ZNF266: variants seen among roughly 807,000 people sequenced by gnomAD.
The protein encoded by ZNF266 is zinc finger protein 266.
ZNF266 carries 16 observed loss-of-function variants against 16.4 expected under a neutral mutation model. That is an observed-to-expected ratio of 0.98 (90% CI 0.66 to 1.48). The LOEUF (loss-of-function observed/expected upper bound fraction) is 1.48, where lower values mean the gene tolerates loss of function less well. Among genes scored for constraint, ZNF266 ranks in the 40% most tolerant of loss-of-function variants. ZNF266 has a pLI of 0.00. For synonymous variants in ZNF266, 262 were observed against 237.9 expected (o/e 1.10, Z -0.93); for missense variants, 738 against 689.1 (o/e 1.07, Z -0.79).
At chr19:9,431,285 G>C (rs1384958845) in intron 5 of ZNF266, among the ~76,000 whole-genome samples, 3 of 152,102 alleles carry the variant, frequency 2.0e-5, no homozygotes, top group Non-Finnish European at 4.4e-5. Flanking sequence ...CAAAACCCTG[G>C]CCCAGTCACC....
In ZNF266 at chr19:9,431,866, G is replaced by A. The variant is rs115180951; in HGVS notation, c.-130+1802C>T. 3.1e-3 allele frequency among the ~76,000 whole-genome samples: 466 copies of A among 152,306 alleles called. 5 individuals are homozygous for A. The highest frequency in any genetic ancestry group is 0.011 in the African/African-American group (448 of 41,560). On this transcript the variant is annotated intron_variant, in intron 5 of 10. Coordinates refer to ENST00000592904, the MANE Select transcript of ZNF266 (RefSeq NM_001370374.1). ...CCTGGATAACACCCTCCTGTTGAGCGCACGCACGACCTTTGACCAGTTTCT... is the reference window on the plus strand; with the variant it reads ...CCTGGATAACACCCTCCTGTTGAGCACACGCACGACCTTTGACCAGTTTCT...
At chr19:9,414,984 T>G (rs1328811390) in intron 10 of ZNF266, among the ~76,000 whole-genome samples, 1 of 152,212 alleles carries the variant, frequency 6.6e-6, no homozygotes, top group Non-Finnish European at 1.5e-5. Flanking sequence ...AATGTGTACT[T>G]GAGGGGAACT....
In ZNF266 at chr19:9,417,735, G is replaced by T. The variant is rs904590594; in HGVS notation, c.316+93C>A. On this transcript the variant is annotated intron_variant, in intron 9 of 10. Coordinates refer to ENST00000592904, the MANE Select transcript of ZNF266 (RefSeq NM_001370374.1). The stretch of plus-strand genomic sequence containing the variant: ...GGCACTCCAGCCTGGGTGACAGAGT[G>T]AGACTCCATCTCAAAAAAAAAAAAA... 8 of 1,044,088 alleles carry T rather than the reference G, an allele frequency of 7.7e-6. No individual in the cohort carries two copies. The East Asian group carries it at 2.0e-4, about 26-fold the overall frequency. The allele number at this position is 1,044,088 out of a possible 1,614,324, so 64.7% of individuals were successfully genotyped here.
chr19:9,418,398 CTG>C, intron 8 of ZNF266, 105 bp downstream of exon 8: 1 of 1,245,594 alleles, frequency 8.0e-7, no homozygotes, highest in Non-Finnish European at 1.2e-6. Context: ...GGGACTATGT[CTG>C]TTATTTCCCA....
At chr19:9,420,955 T>C (rs1320436883) in intron 5 of ZNF266, among the ~76,000 whole-genome samples, 1 of 152,052 alleles carries the variant, frequency 6.6e-6, no homozygotes, top group Non-Finnish European at 1.5e-5. Context: ...TACAACACCA[T>C]GGTCACTACC....
Position 9,414,623 on chromosome 19 carries a change from T to C in ZNF266, c.503A>G (p.Asn168Ser), listed in dbSNP as rs1435884135. The change falls in exon 11 of 11, where the codon AAT (asparagine) becomes AGT (serine). Residue 168 changes from asparagine to serine, a missense_variant. Coordinates refer to ENST00000592904, the MANE Select transcript of ZNF266 (RefSeq NM_001370374.1). The stretch of plus-strand genomic sequence containing the variant: ...ATAACACTCAAATGTGTTCTCACTA[T>C]TTTGAGTTCTCACATGTGTCTTAAG... ...SCLKTHVRTQNSENTFECYLY... is the reference protein window; with the variant it reads ...SCLKTHVRTQSSENTFECYLY... 39 of 1,610,422 alleles carry C rather than the reference T, an allele frequency of 2.4e-5. No individual in the cohort carries two copies. Among genetic ancestry groups the C allele is most frequent in the African/African-American group, 6.7e-5 (5 of 74,878 alleles).
intron 7 of ZNF266, 142 bp downstream of exon 7, chr19:9,419,075 C>T (rs777497221): frequency 1.5e-4 from 24 of 157,434 alleles, no homozygotes; most frequent in Non-Finnish European, 2.7e-4. Context: ...CCACTCCTTC[C>T]GGGAATTCGA....
rs1199735250 is a variant in ZNF266, at chr19:9,413,550, T to C, written c.1576A>G (p.Ser526Gly). ...ATACACGTGAATGGTTTTTTGGCGC[T>C]GTGGGTCCGCATGTGATTATTAAGA... is the stretch of plus-strand genomic sequence containing the variant. ...SSLNNHMRTH[S>G]AKKPFTCMEC... The change falls in exon 11 of 11, where the codon AGC becomes GGC. Residue 526 changes from serine to glycine, a missense_variant. Coordinates refer to ENST00000592904, the MANE Select transcript of ZNF266 (RefSeq NM_001370374.1). The C allele has an allele frequency of 6.2e-7, 1 of 1,614,196 alleles. No homozygotes were observed. The highest frequency in any genetic ancestry group is 8.5e-7 in the Non-Finnish European group (1 of 1,180,020).
chr19:9,421,865 CTTTT>C (rs2069951347), intron 5 of ZNF266, among the ~76,000 whole-genome samples: 1 of 144,126 alleles, frequency 6.9e-6, no homozygotes, highest in Non-Finnish European at 1.5e-5. Flanking sequence ...TTTTTTTTTT[CTTTT>C]GAGACGGAGG....
chr19:9,414,956 A>T (rs894327892), intron 10 of ZNF266, among the ~76,000 whole-genome samples: 1 of 152,154 alleles, frequency 6.6e-6, no homozygotes, highest in African/African-American at 2.4e-5. Context: ...TGTCTTAAAA[A>T]CTCACTATCT....
In ZNF266 at chr19:9,412,931, G is replaced by A. The variant is rs2068451972; in HGVS notation, c.*344C>T. On this transcript the variant is annotated 3_prime_UTR_variant, in exon 11 of 11. Coordinates refer to ENST00000592904, the MANE Select transcript of ZNF266 (RefSeq NM_001370374.1). ...CTTAGGGCTTACAAATATGGAGTGGGGCATCATCCAGACCATACCATTTAA... is the reference window on the plus strand; with the variant it reads ...CTTAGGGCTTACAAATATGGAGTGGAGCATCATCCAGACCATACCATTTAA... 4.0e-6 allele frequency: 1 copy of A among 251,592 alleles called. No individual in the cohort carries two copies. Among genetic ancestry groups the A allele is most frequent in the African/African-American group, 2.2e-5 (1 of 44,464 alleles). 15.6% of individuals were successfully genotyped at this position (251,592 alleles called of 1,614,324 possible).
At chr19:9,414,843 ATAAG>A (rs2068745175) in intron 10 of ZNF266, 123 bp from the exon 11 acceptor site, 3 of 1,121,558 alleles carry the variant, frequency 2.7e-6, no homozygotes, top group Non-Finnish European at 3.6e-6. Context: ...TTACACACAT[ATAAG>A]TAATGCCCTT....
At position 9,413,551 on chromosome 19, in the gene ZNF266, G is replaced by T; in HGVS notation, c.1575C>A (p.His525Gln). ...SSSLNNHMRTHSAKKPFTCME... is the reference protein window; with the variant it reads ...SSSLNNHMRTQSAKKPFTCME... ...TACACGTGAATGGTTTTTTGGCGCT[G>T]TGGGTCCGCATGTGATTATTAAGAC... Residue 525 changes from histidine (H) to glutamine (Q), a missense_variant, in exon 11 of 11, where the codon CAC (histidine) becomes CAA (glutamine). Transcript: ENST00000592904. 6.2e-7 allele frequency: 1 copy of T among 1,614,186 alleles called. No homozygotes were observed.
In ZNF266 at chr19:9,414,844, T is replaced by C. The variant is rs2068744796; in HGVS notation, c.406-124A>G. On this transcript the variant is annotated intron_variant, in intron 10 of 10. Coordinates refer to ENST00000592904, the MANE Select transcript of ZNF266 (RefSeq NM_001370374.1). ...GTTTACCATTTTCATTACACACATA[T>C]AAGTAATGCCCTTTTGATTTCTTTC... The C allele has an allele frequency of 2.7e-6, 3 of 1,127,436 alleles. No homozygotes were observed. In the East Asian group the frequency reaches 7.6e-5, roughly 28 times the overall value. The allele number at this position is 1,127,436 out of a possible 1,614,324, so 69.8% of individuals were successfully genotyped here.
Position 9,434,085 on chromosome 19 carries a change from T to C in ZNF266, c.-259A>G, listed in dbSNP as rs371245117. 6.6e-6 allele frequency: 1 copy of C among 152,200 alleles called. No homozygotes were observed. The highest frequency in any genetic ancestry group is 2.4e-5 in the African/African-American group (1 of 41,450). 9.4% of individuals were successfully genotyped at this position (152,200 alleles called of 1,614,324 possible). ...CTGACTCTGTCAAACCTGGGAGTAA[T>C]CTTTGATGCACTCCTCTCTCTCACC... On this transcript the variant is annotated 5_prime_UTR_variant, in exon 4 of 11. Coordinates refer to ENST00000592904, the MANE Select transcript of ZNF266 (RefSeq NM_001370374.1).
rs573566524 is a variant in ZNF266, at chr19:9,412,508, C to A, written c.*767G>T. The A allele has an allele frequency of 3.9e-5, 6 of 152,342 alleles. No individual in the cohort carries two copies. Among genetic ancestry groups the A allele is most frequent in the African/African-American group, 1.4e-4 (6 of 41,570 alleles). The allele number at this position is 152,342 out of a possible 1,614,324, so 9.4% of individuals were successfully genotyped here. ...CTGCATTCAAAGCCATCCTGGCCTG[C>A]GGGTTGGACAAGCTTGATCTAAAGC... is the stretch of plus-strand genomic sequence containing the variant. On this transcript the variant is annotated 3_prime_UTR_variant, in exon 11 of 11. Transcript: ENST00000592904.
At chr19:9,418,009 T>A in intron 8 of ZNF266, 101 bp from the exon 9 acceptor site, 1 of 1,249,676 alleles carries the variant, frequency 8.0e-7, no homozygotes, top group South Asian at 1.3e-5. Context: ...GCAGTGAAAT[T>A]ATTTTAAAAG....
At position 9,434,845 on chromosome 19, in the gene ZNF266, T is replaced by C. The variant is rs975772051; in HGVS notation, c.-457A>G. The C allele has an allele frequency of 3.3e-5, 5 of 152,182 alleles. No homozygotes were observed. Among genetic ancestry groups the C allele is most frequent in the African/African-American group, 1.2e-4 (5 of 41,444 alleles). The allele number at this position is 152,182 out of a possible 1,614,324, so 9.4% of individuals were successfully genotyped here. A position where few individuals can be genotyped will look rare whatever the true frequency, so the allele number is the denominator to read the frequency against. ...CCTAAAAGCCCGTTTTGAAGCTCTG[T>C]GGGGAGGTACAGGCCTAGGAAGTTC... is the stretch of plus-strand genomic sequence containing the variant. On this transcript the variant is annotated 5_prime_UTR_variant, in exon 3 of 11. Transcript: ENST00000592904.
rs764658363 is a variant in ZNF266, at chr19:9,413,559, G to GC, written c.1566dup (p.Arg523AlafsTer19). 1.9e-6 allele frequency: 3 copies of GC among 1,614,054 alleles called. No individual in the cohort carries two copies. In the African/African-American group the frequency reaches 4.0e-5, roughly 22 times the overall value. ...AATGGTTTTTTGGCGCTGTGGGTCC[G>GC]CATGTGATTATTAAGACTGGAGGAA... On this transcript the variant is annotated frameshift_variant, in exon 11 of 11. Transcript: ENST00000592904. LOFTEE classifies it low-confidence loss of function (END_TRUNC).
Sources: allele counts gnomAD v4.1 joint callset (sites outside exome capture counted in the v4.1 genomes callset), GRCh38; gene constraint gnomAD v4.1.1; transcripts MANE v1.5; gene names NCBI Gene and HGNC (gene_info 2026-07-23, HGNC 2026-07-21).